Variants in MAST4 observed in about 807,000 individuals in gnomAD.
MAST4 encodes microtubule associated serine/threonine kinase family member 4, also known as microtubule-associated serine/threonine-protein kinase 4.
Under a neutral mutation model 162.7 loss-of-function variants are expected in MAST4, and 89 were observed. That is an observed-to-expected ratio of 0.55 (90% CI 0.46 to 0.65). The LOEUF is 0.65. Among genes scored for constraint, MAST4 ranks in the 30% least tolerant of loss-of-function variants. MAST4 has a pLI of 0.00. For missense variants in MAST4, 3,153 were observed against 3,374.0 expected, an observed-to-expected ratio of 0.93 and a Z score of 1.62; for synonymous variants, 1,479 against 1,361.1, an observed-to-expected ratio of 1.09 and a Z score of -1.91.
intron 1 of MAST4, among the ~76,000 whole-genome samples, chr5:66,649,398 A>G (rs946029456): frequency 8.5e-5 from 13 of 152,140 alleles, no homozygotes; most frequent in Non-Finnish European, 1.3e-4. Context: ...GGAGTCTTCT[A>G]TGAGTGGCCT....
intron 4 of MAST4, among the ~76,000 whole-genome samples, chr5:66,971,860 A>G (rs1054606501): frequency 6.6e-6 from 1 of 152,182 alleles, no homozygotes; most frequent in Non-Finnish European, 1.5e-5. Context: ...TCCTATTTCC[A>G]ACATTTAAAA....
chr5:67,112,014 A>T, intron 11 of MAST4, among the ~76,000 whole-genome samples: 1 of 150,994 alleles, frequency 6.6e-6, no homozygotes, highest in Non-Finnish European at 1.5e-5. Context: ...CTGAGTATTT[A>T]CATTGGTTTG....
chr5:67,101,968 T>C (rs1765082347), intron 8 of MAST4, among the ~76,000 whole-genome samples: 1 of 150,938 alleles, frequency 6.6e-6, no homozygotes, highest in Non-Finnish European at 1.5e-5. Flanking sequence ...AATAGTTGTA[T>C]GCCTCTGTTT....
chr5:67,051,487 C>G (rs1056151838), intron 4 of MAST4, among the ~76,000 whole-genome samples: 2 of 152,064 alleles, frequency 1.3e-5, no homozygotes, highest in African/African-American at 4.8e-5. Flanking sequence ...CAGTTCTAAC[C>G]CACTTGAAGT....
chr5:66,787,373 A>T (rs143148511), intron 2 of MAST4, among the ~76,000 whole-genome samples: 1 of 152,240 alleles, frequency 6.6e-6, no homozygotes, highest in Non-Finnish European at 1.5e-5. Context: ...TGAAAAAGCA[A>T]TTCTGGCAAA....
At chr5:66,672,243 C>T (rs948329506) in intron 1 of MAST4, among the ~76,000 whole-genome samples, 21 of 152,254 alleles carry the variant, frequency 1.4e-4, no homozygotes, top group African/African-American at 4.3e-4. Context: ...TTCCTCGCCC[C>T]GAAGAAAAAC....
chr5:66,652,804 G>C (rs1036484786), intron 1 of MAST4, among the ~76,000 whole-genome samples: 1 of 152,078 alleles, frequency 6.6e-6, no homozygotes, highest in Non-Finnish European at 1.5e-5. Context: ...ATTACATTTA[G>C]CTTTCTTTAG....
chr5:66,926,577 C>T (rs13155055), intron 4 of MAST4, among the ~76,000 whole-genome samples: 7,539 of 117,512 alleles, frequency 0.064, 224 homozygotes, highest in Middle Eastern at 0.18. Context: ...TATATATATA[C>T]ACACACACAC....
intron 4 of MAST4, among the ~76,000 whole-genome samples, chr5:66,951,987 G>A (rs558385223): frequency 1.8e-4 from 28 of 152,010 alleles, no homozygotes; most frequent in South Asian, 6.2e-4. Context: ...AATTCCCTTC[G>A]TCTCTCTCCA....
At chr5:67,114,374 C>A in intron 12 of MAST4, 155 bp downstream of exon 12, 2 of 881,840 alleles carry the variant, frequency 2.3e-6, no homozygotes, top group Non-Finnish European at 3.3e-6. Flanking sequence ...AAGGAAATAG[C>A]CATAAAATGG....
intron 2 of MAST4, among the ~76,000 whole-genome samples, chr5:66,781,834 A>G (rs189622369): frequency 6.6e-6 from 1 of 152,334 alleles, no homozygotes; most frequent in East Asian, 1.9e-4. Context: ...TTTTTAATGG[A>G]AGCTTTCAAA....
intron 4 of MAST4, among the ~76,000 whole-genome samples, chr5:67,048,422 A>G (rs1286420983): frequency 6.6e-6 from 1 of 152,220 alleles, no homozygotes. Context: ...AGTCAAAAAC[A>G]TGACTGTCAT....
chr5:66,832,332 T>C (rs950091350), intron 3 of MAST4, among the ~76,000 whole-genome samples: 2 of 152,162 alleles, frequency 1.3e-5, no homozygotes, highest in African/African-American at 4.8e-5. Flanking sequence ...AGCAATGAAA[T>C]GTTTATTGTT....
At chr5:66,929,234 G>T (rs1052118841) in intron 4 of MAST4, among the ~76,000 whole-genome samples, 3 of 152,170 alleles carry the variant, frequency 2.0e-5, no homozygotes, top group African/African-American at 7.2e-5. Context: ...GTAAGTCCTG[G>T]ATTCCAAAGG....
At chr5:67,124,590 C>CA (rs562068467) in intron 14 of MAST4, among the ~76,000 whole-genome samples, 4 of 151,976 alleles carry the variant, frequency 2.6e-5, no homozygotes, top group East Asian at 1.9e-4. Flanking sequence ...AAAACAACAA[C>CA]AAAAAAAATC....
intron 3 of MAST4, among the ~76,000 whole-genome samples, chr5:66,813,940 T>C (rs1033184670): frequency 2.6e-5 from 4 of 152,206 alleles, no homozygotes; most frequent in East Asian, 1.9e-4. Flanking sequence ...GAACATGAGA[T>C]AGTGTGATAA....
At chr5:66,950,889 C>T (rs1744597814) in intron 4 of MAST4, among the ~76,000 whole-genome samples, 1 of 152,190 alleles carries the variant, frequency 6.6e-6, no homozygotes, top group Non-Finnish European at 1.5e-5. Context: ...CACCATTTTA[C>T]ATTTCCGCAG....
At chr5:66,945,590 A>G (rs1378798866) in intron 4 of MAST4, among the ~76,000 whole-genome samples, 1 of 152,082 alleles carries the variant, frequency 6.6e-6, no homozygotes, top group Non-Finnish European at 1.5e-5. Context: ...ATCCAGGGAC[A>G]AGGAGAAGCG....
At chr5:66,948,351 T>C (rs1402584337) in intron 4 of MAST4, among the ~76,000 whole-genome samples, 2 of 152,204 alleles carry the variant, frequency 1.3e-5, no homozygotes, top group Admixed American at 6.5e-5. Flanking sequence ...AGCGTTCATA[T>C]ATAAAGTCTC....
Sources: gnomAD v4.1 joint callset for allele counts (sites outside exome capture counted in the v4.1 genomes callset) on GRCh38, gnomAD v4.1.1 for gene constraint, MANE v1.5 for transcripts, NCBI Gene and HGNC (gene_info 2026-07-23, HGNC 2026-07-21) for gene names.